The following HDAC9 variants were observed in gnomAD, a reference collection of about 807,000 sequenced individuals.
HDAC9 encodes histone deacetylase 9.
A neutral mutation model predicts 139.4 loss-of-function variants in HDAC9; 41 were observed. That is an observed-to-expected ratio of 0.29 (90% CI 0.23 to 0.38). The LOEUF is 0.38. Ranked by LOEUF, HDAC9 falls within the 10% of genes least tolerant of loss-of-function variation. The pLI, the probability that HDAC9 is intolerant of heterozygous loss-of-function variation, is 1.00. For missense variants in HDAC9, 1,147 were observed against 1,297.0 expected (o/e 0.88, Z 1.78); for synonymous variants, 517 against 476.2 (o/e 1.09, Z -1.12).
intron 13 of HDAC9, among the ~76,000 whole-genome samples, chr7:18,734,191 A>T (rs772027555): frequency 6.6e-6 from 1 of 152,028 alleles, no homozygotes; most frequent in Non-Finnish European, 1.5e-5. Flanking sequence ...ATATATCAAA[A>T]CTTTTCATCA....
intron 12 of HDAC9, among the ~76,000 whole-genome samples, chr7:18,726,404 TC>T (rs1373208991): frequency 6.6e-6 from 1 of 152,208 alleles, no homozygotes; most frequent in Non-Finnish European, 1.5e-5. Context: ...AGAAGTAATG[TC>T]TGCCTCAAGT....
intron 2 of HDAC9, among the ~76,000 whole-genome samples, chr7:18,539,176 A>G (rs978583747): frequency 6.6e-6 from 1 of 152,252 alleles, no homozygotes; most frequent in African/African-American, 2.4e-5. Context: ...CAAGTTATCA[A>G]GGTGAACATC....
At position 18,143,017 on chromosome 7, in the gene HDAC9, G is replaced by A. The variant is rs545972880; in HGVS notation, c.-96-19212G>A. ...GGGGATGTCCTTCAGTTCCATCCTT[G>A]GATCCCTAGTTTTGAATCACTTTTG... On this transcript the variant is annotated intron_variant, in intron 1 of 12. Coordinates refer to the HDAC9 transcript ENST00000417496. 5.9e-5 allele frequency among the ~76,000 whole-genome samples: 9 copies of A among 152,212 alleles called. No individual in the cohort carries two copies. In the South Asian group the frequency reaches 1.9e-3, roughly 32 times the overall value.
intron 12 of HDAC9, chr7:18,667,821 A>G (rs1795252173): frequency 2.4e-5 from 24 of 984,734 alleles, no homozygotes; most frequent in Non-Finnish European, 2.5e-5. Context: ...TTTTCACTGG[A>G]ACATTTCCTT....
chr7:18,680,092 G>A (rs1186757863), intron 12 of HDAC9, among the ~76,000 whole-genome samples: 3 of 151,882 alleles, frequency 2.0e-5, no homozygotes, highest in African/African-American at 7.2e-5. Flanking sequence ...AAATGAATGG[G>A]ACCTACGAAC....
intron 11 of HDAC9, among the ~76,000 whole-genome samples, chr7:18,660,305 T>A (rs1792709598): frequency 6.6e-6 from 1 of 152,162 alleles, no homozygotes. Context: ...TTTGCAACAC[T>A]GGCACCGGAT....
In HDAC9 at chr7:18,648,696, G is replaced by A; in HGVS notation, c.1467+13G>A. The stretch of plus-strand genomic sequence containing the variant: ...CCACATGAACAAAGTAAGCCTCCAA[G>A]CCAAGTCAAAATGTTCTAACCGCCA... On this transcript the variant is annotated intron_variant, in intron 11 of 25. Transcript: ENST00000686413. 6.2e-7 allele frequency: 1 copy of A among 1,601,358 alleles called. No individual in the cohort carries two copies. The highest frequency in any genetic ancestry group is 8.5e-7 in the Non-Finnish European group (1 of 1,172,822).
chr7:18,666,543 C>A, intron 12 of HDAC9, 67 bp downstream of exon 12: 1 of 1,558,084 alleles, frequency 6.4e-7, no homozygotes, highest in South Asian at 1.2e-5. Flanking sequence ...AAATGCATTG[C>A]AGGTTTGGTA....
intron 2 of HDAC9, among the ~76,000 whole-genome samples, chr7:18,257,088 C>G (rs963449280): frequency 4.7e-5 from 7 of 149,468 alleles, no homozygotes; most frequent in Non-Finnish European, 8.9e-5. Context: ...GACCCTGTCT[C>G]AAATTGTGTA....
intron 1 of HDAC9, chr7:18,458,825 C>G: frequency 6.5e-7 from 1 of 1,531,076 alleles, no homozygotes; most frequent in Non-Finnish European, 8.7e-7. Context: ...TTCAACCTGA[C>G]TTTCTTATCC....
chr7:18,709,214 C>T (rs1401360568), intron 12 of HDAC9, among the ~76,000 whole-genome samples: 1 of 151,984 alleles, frequency 6.6e-6, no homozygotes, highest in Non-Finnish European at 1.5e-5. Flanking sequence ...CCCAGCAGGC[C>T]CTGGTGTGTG....
chr7:18,851,940 G>C (rs757071765), intron 21 of HDAC9, among the ~76,000 whole-genome samples: 7 of 152,126 alleles, frequency 4.6e-5, no homozygotes, highest in Admixed American at 6.5e-5. Flanking sequence ...TGCCTTCTTC[G>C]CTCCTTGCAG....
At chr7:18,842,048 C>G (rs1011253153) in intron 21 of HDAC9, among the ~76,000 whole-genome samples, 11 of 152,018 alleles carry the variant, frequency 7.2e-5, no homozygotes, top group Non-Finnish European at 1.5e-5. Flanking sequence ...TTAGATTTAA[C>G]TTTGAAATAA....
intron 1 of HDAC9, among the ~76,000 whole-genome samples, chr7:18,136,494 A>G (rs1332124102): frequency 4.6e-5 from 7 of 152,206 alleles, no homozygotes; most frequent in African/African-American, 7.2e-5. Flanking sequence ...GGTGGAAGGA[A>G]GGGATCCAGT....
In HDAC9 at chr7:18,975,972, G is replaced by A. The variant is rs373624852; in HGVS notation, c.3170+19G>A. 6.2e-7 allele frequency: 1 copy of A among 1,610,324 alleles called. No individual in the cohort carries two copies. The highest frequency in any genetic ancestry group is 1.1e-5 in the South Asian group (1 of 90,604). ...ACAGCAGGTATGAATCCAACGTGCG[G>A]GAATAATCCGGGTCAGTCATATCCA... On this transcript the variant is annotated intron_variant, in intron 25 of 25. Coordinates refer to ENST00000686413, the MANE Select transcript of HDAC9 (RefSeq NM_178425.4).
At chr7:18,929,656 G>A (rs888327585) in intron 22 of HDAC9, among the ~76,000 whole-genome samples, 8 of 151,988 alleles carry the variant, frequency 5.3e-5, no homozygotes, top group Admixed American at 3.3e-4. Flanking sequence ...TATCTGACAC[G>A]GCTGGGCATG....
At chr7:18,631,498 T>G (rs1391828049) in intron 7 of HDAC9, among the ~76,000 whole-genome samples, 5 of 152,074 alleles carry the variant, frequency 3.3e-5, no homozygotes, top group African/African-American at 4.8e-5. Flanking sequence ...TACTAAATAT[T>G]TTTAGTATCT....
chr7:18,400,105 G>A (rs1437067855), intron 1 of HDAC9, among the ~76,000 whole-genome samples: 1 of 152,152 alleles, frequency 6.6e-6, no homozygotes, highest in East Asian at 1.9e-4. Context: ...TTAGCAGCTA[G>A]CATGGAGACT....
chr7:18,976,736 T>C (rs1258981399), intron 25 of HDAC9, among the ~76,000 whole-genome samples: 1 of 152,190 alleles, frequency 6.6e-6, no homozygotes, highest in Non-Finnish European at 1.5e-5. Context: ...CCACCATAAA[T>C]GTACATAAAT....
Sources: gnomAD v4.1 joint callset for allele counts (sites outside exome capture counted in the v4.1 genomes callset) on GRCh38, gnomAD v4.1.1 for gene constraint, MANE v1.5 for transcripts, NCBI Gene and HGNC (gene_info 2026-07-23, HGNC 2026-07-21) for gene names.